TFCP2L1: variants seen among roughly 807,000 people sequenced by gnomAD.
The protein encoded by TFCP2L1 is transcription factor CP2 like 1.
A neutral mutation model predicts 72.2 loss-of-function variants in TFCP2L1; 12 were observed. That is an observed-to-expected ratio of 0.17 (90% CI 0.11 to 0.27). The LOEUF (loss-of-function observed/expected upper bound fraction) is 0.27. TFCP2L1 is among the 10% of genes least tolerant of loss of function. TFCP2L1 has a pLI of 1.00. For synonymous variants in TFCP2L1, 260 were observed against 251.0 expected (o/e 1.04, Z -0.34); for missense variants, 488 against 624.6 (o/e 0.78, Z 2.33).
At chr2:121,285,003 C>G (rs980987981) in intron 1 of TFCP2L1, 45 bp downstream of exon 1, 1 of 1,435,400 alleles carries the variant, frequency 7.0e-7, no homozygotes, top group Non-Finnish European at 9.1e-7. Flanking sequence ...GCGCCCGGCC[C>G]GCCGGCCCGG....
intron 2 of TFCP2L1, among the ~76,000 whole-genome samples, chr2:121,258,025 A>C (rs1322287710): frequency 6.6e-6 from 1 of 152,222 alleles, no homozygotes; most frequent in Non-Finnish European, 1.5e-5. Flanking sequence ...TAACAGTGGC[A>C]GAATTTGGTG....
chr2:121,246,697 C>CTA, intron 6 of TFCP2L1, 121 bp downstream of exon 6: 1 of 1,322,062 alleles, frequency 7.6e-7, no homozygotes, highest in South Asian at 1.3e-5. Flanking sequence ...AAGCCATGTG[C>CTA]TAAAGGGATG....
At chr2:121,264,116 C>T (rs1224225233) in intron 2 of TFCP2L1, among the ~76,000 whole-genome samples, 1 of 152,156 alleles carries the variant, frequency 6.6e-6, no homozygotes, top group Non-Finnish European at 1.5e-5. Flanking sequence ...AGGGGGAACC[C>T]GTGTGCCGGG....
chr2:121,230,359 CAG>C (rs1686116634), intron 13 of TFCP2L1, among the ~76,000 whole-genome samples: 2 of 152,112 alleles, frequency 1.3e-5, no homozygotes, highest in Non-Finnish European at 2.9e-5. Flanking sequence ...TTAGTAGAGA[CAG>C]GGGTTTCTCC....
intron 8 of TFCP2L1, among the ~76,000 whole-genome samples, chr2:121,238,952 C>T (rs369878955): frequency 6.6e-6 from 1 of 152,144 alleles, no homozygotes; most frequent in South Asian, 2.1e-4. Context: ...CACTCTCCTG[C>T]CTCCACCCCT....
At chr2:121,227,173 T>C (rs1686046587) in intron 13 of TFCP2L1, among the ~76,000 whole-genome samples, 1 of 152,126 alleles carries the variant, frequency 6.6e-6, no homozygotes, top group Admixed American at 6.5e-5. Flanking sequence ...AACAATATAT[T>C]GAGGAGGAAC....
intron 2 of TFCP2L1, among the ~76,000 whole-genome samples, chr2:121,251,062 C>T (rs1203026783): frequency 4.6e-5 from 7 of 151,690 alleles, no homozygotes; most frequent in Admixed American, 3.3e-4. Flanking sequence ...GAGTTCGAGA[C>T]CAGCCTGACC....
At chr2:121,240,554 A>G (rs907865840) in intron 7 of TFCP2L1, 1 of 985,432 alleles carries the variant, frequency 1.0e-6, no homozygotes, top group South Asian at 4.7e-5. Context: ...CAGCTGATAG[A>G]AGTGGCAGCC....
Position 121,231,884 on chromosome 2 carries a change from T to C in TFCP2L1, c.1283A>G (p.His428Arg). The part of the protein sequence containing the change: ...IANLYSISPQ[H>R]IHRVYRQGPT... ...GCCCTGCCGGTAGACTCGGTGGATGTGCTGGGGGGAGATGCTGTACAGGTT... is the reference window on the plus strand; with the variant it reads ...GCCCTGCCGGTAGACTCGGTGGATGCGCTGGGGGGAGATGCTGTACAGGTT... Residue 428 changes from histidine to arginine, a missense_variant, in exon 13 of 15, where the codon CAC becomes CGC. By Grantham distance (29) the His-to-Arg change is conservative. Around this residue, in one of 3 missense-constraint regions of TFCP2L1, gnomAD observed 286 missense variants for 329.0 expected, o/e 0.87. Transcript: ENST00000263707. The C allele has an allele frequency of 6.2e-7, 1 of 1,613,518 alleles. No individual in the cohort carries two copies. The highest frequency in any genetic ancestry group is 8.5e-7 in the Non-Finnish European group (1 of 1,179,728).
intron 12 of TFCP2L1, 138 bp from the exon 13 acceptor site, chr2:121,232,106 CTTTTTGTTTTGTTTT>C: frequency 1.3e-6 from 1 of 747,704 alleles, no homozygotes; most frequent in Non-Finnish European, 2.1e-6. Flanking sequence ...CACTGCCACT[CTTTTTGTTTTGTTTT>C]GTTTTGTTTT....
At chr2:121,283,893 C>A (rs1040790791) in intron 1 of TFCP2L1, among the ~76,000 whole-genome samples, 1 of 152,218 alleles carries the variant, frequency 6.6e-6, no homozygotes, top group Admixed American at 6.5e-5. Flanking sequence ...GTGACATCAC[C>A]GTGGTCTGCC....
chr2:121,225,992 G>A (rs1035832226), intron 13 of TFCP2L1, among the ~76,000 whole-genome samples: 10 of 135,438 alleles, frequency 7.4e-5, no homozygotes, highest in African/African-American at 2.9e-4. Flanking sequence ...CCACACACAC[G>A]GGAACACGGT....
intron 2 of TFCP2L1, among the ~76,000 whole-genome samples, chr2:121,265,704 G>A (rs545138908): frequency 3.3e-5 from 5 of 151,882 alleles, no homozygotes; most frequent in South Asian, 4.2e-4. Flanking sequence ...GGCTGGTCTC[G>A]AACTCCTGAC....
intron 2 of TFCP2L1, among the ~76,000 whole-genome samples, chr2:121,257,980 C>G (rs1686760984): frequency 6.6e-6 from 1 of 152,086 alleles, no homozygotes; most frequent in Non-Finnish European, 1.5e-5. Context: ...ACCCCCAGCA[C>G]CATGGACAAT....
At chr2:121,274,601 C>T (rs935971415) in intron 2 of TFCP2L1, among the ~76,000 whole-genome samples, 4 of 152,038 alleles carry the variant, frequency 2.6e-5, no homozygotes, top group African/African-American at 9.7e-5. Flanking sequence ...ATTCAAAATC[C>T]AAAATACTTC....
intron 2 of TFCP2L1, among the ~76,000 whole-genome samples, chr2:121,254,341 A>G (rs1306880329): frequency 6.6e-6 from 1 of 152,236 alleles, no homozygotes; most frequent in African/African-American, 2.4e-5. Flanking sequence ...AATTTCTGTA[A>G]GAGACAAAGG....
chr2:121,249,061 G>A lies in TFCP2L1; in HGVS notation c.318C>T (p.Asp106=), dbSNP rs1444298032. 1.9e-6 allele frequency: 3 copies of A among 1,598,704 alleles called. No individual in the cohort carries two copies. In the Admixed American group the frequency reaches 5.1e-5, roughly 27 times the overall value. Residue 106 remains aspartate (D), a synonymous_variant, in exon 4 of 15, where the codon GAC becomes GAT. Transcript: ENST00000263707. ...VKSIIRVVFH[D]RRLQYTEHQQ... Reference sequence around the variant, plus strand: ...GGTGCTCCGTATACTGCAGCCGGCGGTCATGGAAGACCACACGGATGATGC... The same window carrying A: ...GGTGCTCCGTATACTGCAGCCGGCGATCATGGAAGACCACACGGATGATGC...
At chr2:121,249,267 G>T (rs762617625) in intron 3 of TFCP2L1, among the ~76,000 whole-genome samples, 180 bp from the exon 4 acceptor site, 1 of 152,090 alleles carries the variant, frequency 6.6e-6, no homozygotes, top group African/African-American at 2.4e-5. Flanking sequence ...ACTAACAACA[G>T]CAACAACAGT....
At chr2:121,246,397 G>A (rs1558734791) in intron 6 of TFCP2L1, among the ~76,000 whole-genome samples, 1 of 152,246 alleles carries the variant, frequency 6.6e-6, no homozygotes, top group Non-Finnish European at 1.5e-5. Context: ...AGGAAGATCC[G>A]AGGCCAGGCC....
Sources: gnomAD v4.1 joint callset for allele counts (sites outside exome capture counted in the v4.1 genomes callset) on GRCh38, gnomAD v4.1.1 for gene constraint, gnomAD v4.1.1 regional missense constraint, MANE v1.5 for transcripts, NCBI Gene and HGNC (gene_info 2026-07-23, HGNC 2026-07-21) for gene names.